The following SPN variants were observed in gnomAD, a reference collection of about 807,000 sequenced individuals.
SPN encodes the protein sialophorin.
Under a neutral mutation model 8.4 loss-of-function variants are expected in SPN, and 6 were observed. The observed-to-expected ratio is 0.72, with a 90% CI of 0.39 to 1.42. The LOEUF (loss-of-function observed/expected upper bound fraction) is 1.42. Ranked by LOEUF, SPN falls within the 40% of genes most tolerant of loss-of-function variation. The probability of loss-of-function intolerance (pLI) is 0.02; values close to 1 mark genes in which losing one functional copy is unlikely to be tolerated. For synonymous variants in SPN, 201 were observed against 222.6 expected (o/e 0.90, Z 0.86); for missense variants, 517 against 530.6 (o/e 0.97, Z 0.25).
Position 29,664,828 on chromosome 16 carries a change from C to A in SPN, c.1100C>A (p.Pro367His). The A allele has an allele frequency of 6.7e-7, 1 of 1,500,324 alleles. No individual in the cohort carries two copies. 92.9% of individuals were successfully genotyped at this position (1,500,324 alleles called of 1,614,324 possible). The change falls in exon 2 of 2, where the codon CCC (proline) becomes CAC (histidine). Residue 367 changes from proline (P) to histidine (H), a missense_variant. Coordinates refer to ENST00000652691, the MANE Select transcript of SPN (RefSeq NM_003123.6). The surrounding 1 kb of genome is among the most constrained non-coding windows in gnomAD (Gnocchi z 6.4). ...AMEELKSGSG[P>H]SLKGEEEPLV... ...GAGGAGCTGAAGTCTGGGTCAGGCC[C>A]CAGCCTCAAAGGGGAGGAGGAGCCA...
chr16:29,663,983 T>C lies in SPN; in HGVS notation c.255T>C (p.Thr85=), dbSNP rs192337049. 40 of 1,614,164 alleles carry C rather than the reference T, an allele frequency of 2.5e-5. No homozygotes were observed. In the East Asian group the frequency reaches 8.7e-4, roughly 35 times the overall value. ...SPLWTSIGAS[T]GSPLPEPTTY... ...TTTGGACTTCCATTGGTGCCAGCAC[T>C]GGTTCCCCTTTACCTGAGCCAACAA... The change falls in exon 2 of 2, where the codon ACT becomes ACC. Residue 85 remains threonine (T), a synonymous_variant. Coordinates refer to ENST00000652691, the MANE Select transcript of SPN (RefSeq NM_003123.6). This position sits in a 1 kb window ranked among gnomAD's most constrained non-coding sequence, Gnocchi z 4.3.
In SPN at chr16:29,666,107, G is replaced by A. The variant is rs1966805828; in HGVS notation, c.*1176G>A. ...TGGGAAGTGGTGCAGAGACTGAAGA[G>A]GGTCAACCTGGGCATGGGGGACACA... On this transcript the variant is annotated 3_prime_UTR_variant, in exon 2 of 2. Transcript: ENST00000652691. The A allele has an allele frequency of 6.0e-6, 1 of 167,126 alleles. No homozygotes were observed. The highest frequency in any genetic ancestry group is 1.5e-5 in the Non-Finnish European group (1 of 68,208). The allele number at this position is 167,126 out of a possible 1,614,324, so 10.4% of individuals were successfully genotyped here.
At position 29,670,266 on chromosome 16, in the gene SPN, GTCAGATCATGAGGCCAGT is replaced by G. The variant is rs1966845779; in HGVS notation, c.*5337_*5354del. On this transcript the variant is annotated 3_prime_UTR_variant, in exon 2 of 2. Coordinates refer to ENST00000652691, the MANE Select transcript of SPN (RefSeq NM_003123.6). ...CCCAGCACTTTGGGAGGCCGAGGCA[GTCAGATCATGAGGCCAGT>G]TTGAAACCAGCCTGGCCAACATGGT... 1 of 154,116 alleles carries G rather than the reference GTCAGATCATGAGGCCAGT, an allele frequency of 6.5e-6. No homozygotes were observed. The highest frequency in any genetic ancestry group is 1.4e-5 in the Non-Finnish European group (1 of 69,592). 9.5% of individuals were successfully genotyped at this position (154,116 alleles called of 1,614,324 possible). A position where few individuals can be genotyped will look rare whatever the true frequency, so the allele number is the denominator to read the frequency against.
Position 29,664,551 on chromosome 16 carries a change from C to T in SPN, c.823C>T (p.Leu275=). 1.2e-6 allele frequency: 2 copies of T among 1,613,708 alleles called. No homozygotes were observed. The highest frequency in any genetic ancestry group is 1.7e-6 in the Non-Finnish European group (2 of 1,179,874). The stretch of plus-strand genomic sequence containing the variant: ...GGTCATAGTCCTCGTGGCTCTGCTC[C>T]TGCTGTGGCGCCGGCGGCAGAAGCG... ...LAVIVLVALL[L]LWRRRQKRRT... is the part of the protein sequence containing the mutation. The change falls in exon 2 of 2, where the codon CTG becomes TTG. Residue 275 remains leucine, a synonymous_variant. Transcript: ENST00000652691. This position sits in a 1 kb window ranked among gnomAD's most constrained non-coding sequence, Gnocchi z 6.4.
rs1966782970 is a variant in SPN, at chr16:29,664,614, C to T, written c.886C>T (p.Arg296Cys). The T allele has an allele frequency of 1.3e-6, 2 of 1,598,082 alleles. No individual in the cohort carries two copies. The highest frequency in any genetic ancestry group is 1.7e-6 in the Non-Finnish European group (2 of 1,172,426). ...CCTCGTGCTGAGCAGAGGCGGCAAG[C>T]GTAACGGGGTGGTGGACGCCTGGGC... ...GALVLSRGGK[R>C]NGVVDAWAGP... The change falls in exon 2 of 2, where the codon CGT becomes TGT. Residue 296 changes from arginine (R) to cysteine (C), a missense_variant. By Grantham distance (180) the Arg-to-Cys change is radical. Transcript: ENST00000652691. The surrounding 1 kb of genome is among the most constrained non-coding windows in gnomAD (Gnocchi z 6.4).
chr16:29,669,102 G>GT lies in SPN; in HGVS notation c.*4172dup, dbSNP rs2142285560. On this transcript the variant is annotated 3_prime_UTR_variant, in exon 2 of 2. Transcript: ENST00000652691. ...GTTTGAGACCAGCCTGGGCAACATA[G>GT]TGAGACCCCGTGTCTACAAAAAGTA... The GT allele has an allele frequency of 6.0e-6, 1 of 166,594 alleles. No individual in the cohort carries two copies. Among genetic ancestry groups the GT allele is most frequent in the East Asian group, 2.0e-4 (1 of 5,118 alleles). The allele number at this position is 166,594 out of a possible 1,614,324, so 10.3% of individuals were successfully genotyped here. A position where few individuals can be genotyped will look rare whatever the true frequency, so the allele number is the denominator to read the frequency against.
In SPN at chr16:29,666,546, ACACACACGCGCG is replaced by A. The variant is rs924444579; in HGVS notation, c.*1617_*1628del. The A allele has an allele frequency of 6.2e-5, 12 of 194,132 alleles. 1 individual carries two copies. The highest frequency in any genetic ancestry group is 2.1e-4 in the African/African-American group (8 of 38,540). The allele number at this position is 194,132 out of a possible 1,614,324, so 12.0% of individuals were successfully genotyped here. A position where few individuals can be genotyped will look rare whatever the true frequency, so the allele number is the denominator to read the frequency against. On this transcript the variant is annotated 3_prime_UTR_variant, in exon 2 of 2. Transcript: ENST00000652691. ...CTCTCACACACACACACACACACAC[ACACACACGCGCG>A]CGCGCGCGCGCTCTCCTGCGAACAG... is the stretch of plus-strand genomic sequence containing the variant.
chr16:29,667,416 T>C lies in SPN; in HGVS notation c.*2485T>C, dbSNP rs1966830327. The C allele has an allele frequency of 5.3e-6, 1 of 190,022 alleles. No individual in the cohort carries two copies. Among genetic ancestry groups the C allele is most frequent in the African/African-American group, 2.4e-5 (1 of 42,364 alleles). 11.8% of individuals were successfully genotyped at this position (190,022 alleles called of 1,614,324 possible). A position where few individuals can be genotyped will look rare whatever the true frequency, so the allele number is the denominator to read the frequency against. On this transcript the variant is annotated 3_prime_UTR_variant, in exon 2 of 2. Transcript: ENST00000652691. ...CTGGGCGAATCCTGAAAAAAAGAGGTAGTACGGGTAAGGAAGGCACCCAAC... is the reference window on the plus strand; with the variant it reads ...CTGGGCGAATCCTGAAAAAAAGAGGCAGTACGGGTAAGGAAGGCACCCAAC...
Position 29,664,144 on chromosome 16 carries a change from C to G in SPN, c.416C>G (p.Ser139Cys). The G allele has an allele frequency of 1.2e-6, 2 of 1,614,088 alleles. No individual in the cohort carries two copies. Among genetic ancestry groups the G allele is most frequent in the Non-Finnish European group, 1.7e-6 (2 of 1,180,004 alleles). Residue 139 changes from serine (S) to cysteine (C), a missense_variant, in exon 2 of 2, where the codon TCT becomes TGT. Coordinates refer to ENST00000652691, the MANE Select transcript of SPN (RefSeq NM_003123.6). The surrounding 1 kb of genome is among the most constrained non-coding windows in gnomAD (Gnocchi z 6.4). ...TVTGGTITTN[S>C]PETSSRTSGA... ...ACAGGTGGAACCATAACAACGAACTCTCCAGAAACCTCCAGTAGGACCAGT... is the reference window on the plus strand; with the variant it reads ...ACAGGTGGAACCATAACAACGAACTGTCCAGAAACCTCCAGTAGGACCAGT...
In SPN at chr16:29,670,873, A is replaced by C; in HGVS notation, c.*5942A>C. The C allele has an allele frequency of 4.4e-6, 2 of 450,768 alleles. No individual in the cohort carries two copies. The highest frequency in any genetic ancestry group is 3.1e-5 in the South Asian group (2 of 63,884). 27.9% of individuals were successfully genotyped at this position (450,768 alleles called of 1,614,324 possible). A position where few individuals can be genotyped will look rare whatever the true frequency, so the allele number is the denominator to read the frequency against. On this transcript the variant is annotated 3_prime_UTR_variant, in exon 2 of 2. Coordinates refer to ENST00000652691, the MANE Select transcript of SPN (RefSeq NM_003123.6). ...ATATCTGTTACTTTTACAATATGAA[A>C]AAATAGTGGTCAAAAAGGTGTTCAA...
In SPN at chr16:29,663,680, G is replaced by A; in HGVS notation, c.-34-15G>A. On this transcript the variant is annotated splice_polypyrimidine_tract_variant and intron_variant, in intron 1 of 1. Coordinates refer to ENST00000652691, the MANE Select transcript of SPN (RefSeq NM_003123.6). This position sits in a 1 kb window ranked among gnomAD's most constrained non-coding sequence, Gnocchi z 4.3. ...AACTCCCGCGTGTTCTGCTTCTCCGGCTGCCCACCTGCAGGTCCCAGCTCT... is the reference window on the plus strand; with the variant it reads ...AACTCCCGCGTGTTCTGCTTCTCCGACTGCCCACCTGCAGGTCCCAGCTCT... The A allele has an allele frequency of 6.6e-7, 1 of 1,516,986 alleles. No individual in the cohort carries two copies. The highest frequency in any genetic ancestry group is 8.8e-7 in the Non-Finnish European group (1 of 1,136,324). The allele number at this position is 1,516,986 out of a possible 1,614,324, so 94.0% of individuals were successfully genotyped here.
chr16:29,664,243 C>T lies in SPN; in HGVS notation c.515C>T (p.Ala172Val). 1 of 1,613,870 alleles carries T rather than the reference C, an allele frequency of 6.2e-7. No homozygotes were observed. Among genetic ancestry groups the T allele is most frequent in the East Asian group, 2.2e-5 (1 of 44,842 alleles). The change falls in exon 2 of 2, where the codon GCA becomes GTA. Residue 172 changes from alanine to valine, a missense_variant. Ala to Val is a moderately conservative substitution (Grantham distance 64). Transcript: ENST00000652691. This position sits in a 1 kb window ranked among gnomAD's most constrained non-coding sequence, Gnocchi z 6.4. ...RGTSGPPLTM[A>V]TVSLETSKGT... ...ACCTCTGGACCCCCTCTTACCATGG[C>T]AACTGTCTCTCTGGAGACTTCCAAA...
In SPN at chr16:29,670,508, G is replaced by T. The variant is rs866198386; in HGVS notation, c.*5577G>T. ...CGTCTTGGAAAAAAATTTAAAAAAA[G>T]AAAATATAAAATATGGTATAAGATT... On this transcript the variant is annotated 3_prime_UTR_variant, in exon 2 of 2. Coordinates refer to ENST00000652691, the MANE Select transcript of SPN (RefSeq NM_003123.6). The T allele has an allele frequency of 5.0e-5, 9 of 179,086 alleles. No homozygotes were observed. Among genetic ancestry groups the T allele is most frequent in the South Asian group, 1.0e-4 (1 of 9,872 alleles). The allele number at this position is 179,086 out of a possible 1,614,324, so 11.1% of individuals were successfully genotyped here. A position where few individuals can be genotyped will look rare whatever the true frequency, so the allele number is the denominator to read the frequency against.
Position 29,664,857 on chromosome 16 carries a change from G to C in SPN, c.1129G>C (p.Val377Leu). The change falls in exon 2 of 2, where the codon GTG becomes CTG. Residue 377 changes from valine to leucine, a missense_variant. By Grantham distance (32) the Val-to-Leu change is conservative. Coordinates refer to ENST00000652691, the MANE Select transcript of SPN (RefSeq NM_003123.6). The surrounding 1 kb of genome is among the most constrained non-coding windows in gnomAD (Gnocchi z 6.4). ...CCTCAAAGGGGAGGAGGAGCCACTG[G>C]TGGCCAGTGAGGATGGGGCTGTGGA... ...PSLKGEEEPLVASEDGAVDAP... is the reference protein window; with the variant it reads ...PSLKGEEEPLLASEDGAVDAP... 6.7e-7 allele frequency: 1 copy of C among 1,497,956 alleles called. No individual in the cohort carries two copies. The highest frequency in any genetic ancestry group is 8.9e-7 in the Non-Finnish European group (1 of 1,126,604). 92.8% of individuals were successfully genotyped at this position (1,497,956 alleles called of 1,614,324 possible).
At position 29,667,296 on chromosome 16, in the gene SPN, C is replaced by T; in HGVS notation, c.*2365C>T. 3.7e-6 allele frequency: 1 copy of T among 271,180 alleles called. No individual in the cohort carries two copies. The highest frequency in any genetic ancestry group is 4.2e-5 in the South Asian group (1 of 23,974). 16.8% of individuals were successfully genotyped at this position (271,180 alleles called of 1,614,324 possible). A position where few individuals can be genotyped will look rare whatever the true frequency, so the allele number is the denominator to read the frequency against. ...GCCCCCATATCAGGTTTAGAAAATA[C>T]TGTCACCGAACGAACGTCGCTGTCC... On this transcript the variant is annotated 3_prime_UTR_variant, in exon 2 of 2. Transcript: ENST00000652691.
Position 29,667,437 on chromosome 16 carries a change from C to A in SPN, c.*2506C>A. 1 of 182,724 alleles carries A rather than the reference C, an allele frequency of 5.5e-6. No individual in the cohort carries two copies. Among genetic ancestry groups the A allele is most frequent in the Admixed American group, 5.8e-5 (1 of 17,298 alleles). The allele number at this position is 182,724 out of a possible 1,614,324, so 11.3% of individuals were successfully genotyped here. A position where few individuals can be genotyped will look rare whatever the true frequency, so the allele number is the denominator to read the frequency against. On this transcript the variant is annotated 3_prime_UTR_variant, in exon 2 of 2. Transcript: ENST00000652691. ...GAGGTAGTACGGGTAAGGAAGGCAC[C>A]CAACAGGGCTTTCACAATCCAGAAA...
rs1966845440 is a variant in SPN, at chr16:29,670,218, G to C, written c.*5287G>C. 6.5e-6 allele frequency: 1 copy of C among 153,404 alleles called. No individual in the cohort carries two copies. Among genetic ancestry groups the C allele is most frequent in the African/African-American group, 2.4e-5 (1 of 41,368 alleles). 9.5% of individuals were successfully genotyped at this position (153,404 alleles called of 1,614,324 possible). Reference sequence around the variant, plus strand: ...GTCTCAAAAGAAAGAACATGGCCAGGCGTGGTGGCTCACACCTGTAATCCC... The same window carrying C: ...GTCTCAAAAGAAAGAACATGGCCAGCCGTGGTGGCTCACACCTGTAATCCC... On this transcript the variant is annotated 3_prime_UTR_variant, in exon 2 of 2. Coordinates refer to ENST00000652691, the MANE Select transcript of SPN (RefSeq NM_003123.6).
rs190365741 is a variant in SPN, at chr16:29,666,633, C to T, written c.*1702C>T. The T allele has an allele frequency of 1.9e-4, 58 of 300,656 alleles. No homozygotes were observed. The highest frequency in any genetic ancestry group is 4.0e-4 in the Non-Finnish European group (57 of 142,432). 18.6% of individuals were successfully genotyped at this position (300,656 alleles called of 1,614,324 possible). On this transcript the variant is annotated 3_prime_UTR_variant, in exon 2 of 2. Transcript: ENST00000652691. ...TGGTCTCGGGGACTGGTCTGGCTGG[C>T]GCTTCCCCACTGCACGTTTCCAGGT...
chr16:29,664,749 A>T lies in SPN; in HGVS notation c.1021A>T (p.Thr341Ser). Reference sequence around the variant, plus strand: ...TGGGGAGGGGTCTAGCCGTCGGCCCACGCTCACCACTTTCTTTGGCAGACG... The same window carrying T: ...TGGGGAGGGGTCTAGCCGTCGGCCCTCGCTCACCACTTTCTTTGGCAGACG... ...PDGEGSSRRP[T>S]LTTFFGRRKS... is the part of the protein sequence containing the mutation. Residue 341 changes from threonine (T) to serine (S), a missense_variant, in exon 2 of 2, where the codon ACG (threonine) becomes TCG (serine). Coordinates refer to ENST00000652691, the MANE Select transcript of SPN (RefSeq NM_003123.6). The surrounding 1 kb of genome is among the most constrained non-coding windows in gnomAD (Gnocchi z 6.4). 6.7e-7 allele frequency: 1 copy of T among 1,487,900 alleles called. No individual in the cohort carries two copies. The highest frequency in any genetic ancestry group is 8.9e-7 in the Non-Finnish European group (1 of 1,120,592). 92.2% of individuals were successfully genotyped at this position (1,487,900 alleles called of 1,614,324 possible). A position where few individuals can be genotyped will look rare whatever the true frequency, so the allele number is the denominator to read the frequency against.
Sources: allele counts gnomAD v4.1 joint callset, GRCh38; gene constraint gnomAD v4.1.1; non-coding constraint Gnocchi (gnomAD v3.1); transcripts MANE v1.5; gene names NCBI Gene and HGNC (gene_info 2026-07-23, HGNC 2026-07-21).